COL22A1: variants seen among roughly 807,000 people sequenced by gnomAD.
The protein encoded by COL22A1 is collagen alpha-1(XXII) chain.
Under a neutral mutation model 248.9 loss-of-function variants are expected in COL22A1, and 221 were observed. That is an observed-to-expected ratio of 0.89 (90% CI 0.80 to 0.99). The LOEUF (loss-of-function observed/expected upper bound fraction) is 0.99. Among genes scored for constraint, COL22A1 ranks in the 50% least tolerant of loss-of-function variants. COL22A1 has a pLI of 0.00. For missense variants in COL22A1, 2,240 were observed against 2,179.0 expected, an observed-to-expected ratio of 1.03 and a Z score of -0.56; for synonymous variants, 891 against 793.4, an observed-to-expected ratio of 1.12 and a Z score of -2.07.
chr8:138,875,802 A>G (rs748774925), intron 3 of COL22A1, among the ~76,000 whole-genome samples: 9 of 152,176 alleles, frequency 5.9e-5, no homozygotes, highest in Non-Finnish European at 1.3e-4. Flanking sequence ...TATAAAAAAG[A>G]GAGAATCCTT....
intron 18 of COL22A1, among the ~76,000 whole-genome samples, chr8:138,757,603 C>G (rs1378653309): frequency 6.6e-6 from 1 of 152,222 alleles, no homozygotes; most frequent in Non-Finnish European, 1.5e-5. Flanking sequence ...GTATCCATCC[C>G]TAACAACTGT....
At position 138,662,501 on chromosome 8, in the gene COL22A1, T is replaced by C. The variant is rs1368752520; in HGVS notation, c.3187-418A>G. On this transcript the variant is annotated intron_variant, in intron 42 of 64. Transcript: ENST00000303045. ...GCAAGACCCAGCACAACACTCAGCA[T>C]ATGCCTGGCGATTACAACTCTTTGT... 2.6e-5 allele frequency among the ~76,000 whole-genome samples: 4 copies of C among 152,192 alleles called. No homozygotes were observed. The East Asian group carries it at 7.7e-4, about 29-fold the overall frequency.
intron 47 of COL22A1, among the ~76,000 whole-genome samples, chr8:138,643,730 C>T (rs144559937): frequency 0.021 from 3,175 of 151,836 alleles, 105 homozygotes; most frequent in African/African-American, 0.072. Context: ...TCTTGAGTCT[C>T]ACTCTGTCAC....
chr8:138,634,858 C>G (rs938952372), intron 49 of COL22A1, 152 bp downstream of exon 49: 2 of 673,674 alleles, frequency 3.0e-6, no homozygotes, highest in Non-Finnish European at 5.3e-6. Flanking sequence ...GCCTGTGGGA[C>G]TTGCATTTTT....
intron 16 of COL22A1, among the ~76,000 whole-genome samples, chr8:138,771,978 C>T (rs1834405627): frequency 6.6e-6 from 1 of 152,218 alleles, no homozygotes; most frequent in African/African-American, 2.4e-5. Context: ...GCTGTGGACG[C>T]TCAGTGAGTG....
intron 3 of COL22A1, among the ~76,000 whole-genome samples, chr8:138,874,308 G>A (rs895377796): frequency 3.2e-4 from 48 of 152,280 alleles, no homozygotes; most frequent in African/African-American, 1.1e-3. Flanking sequence ...TTTTCTTGAC[G>A]TGATCAGGGC....
chr8:138,765,818 G>A (rs994942802), intron 16 of COL22A1, among the ~76,000 whole-genome samples: 1 of 152,238 alleles, frequency 6.6e-6, no homozygotes, highest in Non-Finnish European at 1.5e-5. Context: ...CCTGAAGGCA[G>A]GGAGAGCCGG....
At chr8:138,759,992 ATATAT>A in intron 18 of COL22A1, among the ~76,000 whole-genome samples, 1 of 151,826 alleles carries the variant, frequency 6.6e-6, no homozygotes, top group East Asian at 1.9e-4. Flanking sequence ...TATAAATATT[ATATAT>A]TATATAACAG....
At chr8:138,786,217 C>A (rs1815501588) in intron 12 of COL22A1, among the ~76,000 whole-genome samples, 2 of 152,180 alleles carry the variant, frequency 1.3e-5, no homozygotes, top group South Asian at 4.1e-4. Flanking sequence ...GTCCCTTCAG[C>A]TTTGTTCAGG....
intron 37 of COL22A1, among the ~76,000 whole-genome samples, chr8:138,688,333 C>A (rs1473295643): frequency 6.6e-6 from 1 of 151,978 alleles, no homozygotes; most frequent in Non-Finnish European, 1.5e-5. Flanking sequence ...CCAGCCTGAG[C>A]AACATGGTAA....
At chr8:138,618,771 A>G (rs1222342019) in intron 53 of COL22A1, among the ~76,000 whole-genome samples, 1 of 152,188 alleles carries the variant, frequency 6.6e-6, no homozygotes, top group East Asian at 1.9e-4. Context: ...CAATTTAAGA[A>G]ATTGTGAAAA....
chr8:138,732,347 C>G (rs1830772849), intron 23 of COL22A1, among the ~76,000 whole-genome samples: 1 of 152,206 alleles, frequency 6.6e-6, no homozygotes, highest in South Asian at 2.1e-4. Flanking sequence ...GGCCAGGGAA[C>G]AGATAGGTAG....
At chr8:138,689,709 C>T (rs1468979634) in intron 36 of COL22A1, among the ~76,000 whole-genome samples, 4 of 152,042 alleles carry the variant, frequency 2.6e-5, no homozygotes, top group Admixed American at 6.6e-5. Context: ...AGCTAAACTC[C>T]ACCTCAAAAA....
intron 25 of COL22A1, among the ~76,000 whole-genome samples, chr8:138,724,300 G>A (rs1210274863): frequency 6.6e-6 from 1 of 152,210 alleles, no homozygotes; most frequent in East Asian, 1.9e-4. Flanking sequence ...AAGGACAAGC[G>A]GTCATGCCTT....
At chr8:138,668,982 A>G (rs776833325) in intron 41 of COL22A1, among the ~76,000 whole-genome samples, 2 of 152,220 alleles carry the variant, frequency 1.3e-5, no homozygotes, top group South Asian at 2.1e-4. Context: ...AGAGGAGAAC[A>G]CTACGCAAAG....
At chr8:138,707,665 C>A (rs12545752) in intron 30 of COL22A1, among the ~76,000 whole-genome samples, 18 of 152,096 alleles carry the variant, frequency 1.2e-4, no homozygotes, top group Admixed American at 1.2e-3. Flanking sequence ...TATGACAAAC[C>A]CACAACCAAT....
intron 49 of COL22A1, among the ~76,000 whole-genome samples, chr8:138,632,472 C>T (rs1466875078): frequency 2.6e-5 from 4 of 152,164 alleles, no homozygotes; most frequent in Admixed American, 1.3e-4. Flanking sequence ...AACAAGGAAT[C>T]CTGCAGATAT....
In COL22A1 at chr8:138,636,044, AGGGAGAAGTAAAG is replaced by A. The variant is rs1488586575; in HGVS notation, c.3555+685_3555+697del. Among the ~76,000 whole-genome samples the A allele has an allele frequency of 2.0e-5, 3 of 152,130 alleles. No individual in the cohort carries two copies. The East Asian group carries it at 5.8e-4, about 29-fold the overall frequency. ...GCACTGGCTGTGAGATGCAGAAGAG[AGGGAGAAGTAAAG>A]GGGAGGGCAGCTGGGAGAGGAGAGA... On this transcript the variant is annotated intron_variant, in intron 48 of 64. Transcript: ENST00000303045.
chr8:138,840,037 C>T lies in COL22A1; in HGVS notation c.733+4047G>A, dbSNP rs553158666. Among the ~76,000 whole-genome samples the T allele has an allele frequency of 2.2e-4, 33 of 152,258 alleles. No homozygotes were observed. In the South Asian group the frequency reaches 6.4e-3, roughly 30 times the overall value. On this transcript the variant is annotated intron_variant, in intron 4 of 64. Transcript: ENST00000303045. ...AATCTCCTGCGTCTATTCTCATCCT[C>T]GTGCTCCCAGACCCAGCCCAGATAT...
Sources: gnomAD v4.1 joint callset for allele counts (sites outside exome capture counted in the v4.1 genomes callset) on GRCh38, gnomAD v4.1.1 for gene constraint, MANE v1.5 for transcripts, NCBI Gene and HGNC (gene_info 2026-07-23, HGNC 2026-07-21) for gene names.